LDLRAD4: variants seen among roughly 807,000 people sequenced by gnomAD.
LDLRAD4 encodes the protein low-density lipoprotein receptor class A domain-containing protein 4.
LDLRAD4 carries 5 observed loss-of-function variants against 17.0 expected under a neutral mutation model. The ratio of observed to expected loss-of-function variants is 0.29; its 90% CI spans 0.15 to 0.62. LDLRAD4 has a LOEUF of 0.62. LDLRAD4 is among the 20% of genes least tolerant of loss of function. The pLI is 0.84. For missense variants in LDLRAD4, 340 were observed against 424.7 expected (o/e 0.80, Z 1.75); for synonymous variants, 168 against 171.8 (o/e 0.98, Z 0.17).
At chr18:13,465,775 C>G (rs1367203036) in intron 3 of LDLRAD4, among the ~76,000 whole-genome samples, 4 of 152,186 alleles carry the variant, frequency 2.6e-5, no homozygotes, top group Non-Finnish European at 5.9e-5. Flanking sequence ...ATTTCTTCCT[C>G]TTTACTAATA....
At chr18:13,411,462 T>C (rs918675468) in intron 2 of LDLRAD4, among the ~76,000 whole-genome samples, 4 of 152,232 alleles carry the variant, frequency 2.6e-5, no homozygotes, top group African/African-American at 9.6e-5. Flanking sequence ...AAATCTCATC[T>C]TGAATTGTAG....
intron 3 of LDLRAD4, chr18:13,526,580 A>G (rs2094035117): frequency 6.6e-6 from 1 of 152,154 alleles, no homozygotes; most frequent in African/African-American, 2.4e-5. Flanking sequence ...AGCATTAACT[A>G]CCATTTCTGT....
At chr18:13,292,892 T>C (rs2046044925) in intron 1 of LDLRAD4, among the ~76,000 whole-genome samples, 1 of 152,178 alleles carries the variant, frequency 6.6e-6, no homozygotes, top group Non-Finnish European at 1.5e-5. Flanking sequence ...TCTAGGAGTT[T>C]TCCAACCCCG....
At chr18:13,540,283 AG>A (rs766258329) in intron 3 of LDLRAD4, among the ~76,000 whole-genome samples, 32 of 152,384 alleles carry the variant, frequency 2.1e-4, no homozygotes, top group East Asian at 1.5e-3. Flanking sequence ...TGTAAGGCAG[AG>A]TACATTTGCA....
chr18:13,450,425 G>A (rs1286432656), intron 3 of LDLRAD4, among the ~76,000 whole-genome samples: 3 of 151,828 alleles, frequency 2.0e-5, no homozygotes, highest in African/African-American at 7.3e-5. Context: ...CTGGACAGGG[G>A]GCTGGAGGGT....
intron 1 of LDLRAD4, among the ~76,000 whole-genome samples, chr18:13,353,213 A>G (rs2083145583): frequency 6.6e-6 from 1 of 152,044 alleles, no homozygotes; most frequent in Non-Finnish European, 1.5e-5. Context: ...AAAATTAGGC[A>G]TTTGAAAAAA....
chr18:13,447,702 A>G (rs2091510480), intron 3 of LDLRAD4, among the ~76,000 whole-genome samples: 2 of 152,228 alleles, frequency 1.3e-5, no homozygotes, highest in Admixed American at 1.3e-4. Context: ...TGCAACAATG[A>G]TAGTAATTTT....
intron 3 of LDLRAD4, among the ~76,000 whole-genome samples, chr18:13,572,021 A>G (rs2094699281): frequency 6.6e-6 from 1 of 152,236 alleles, no homozygotes; most frequent in Admixed American, 6.5e-5. Flanking sequence ...TTTTAACTGT[A>G]CAGTAAGTCC....
rs114547103 is a variant in LDLRAD4, at chr18:13,417,756, A to G, written c.41-20488A>G. On this transcript the variant is annotated intron_variant, in intron 2 of 5. Coordinates refer to ENST00000359446, the Ensembl canonical transcript of LDLRAD4. ...GCCAGTTTGCTGTTTTTCAAACTAC[A>G]TAATCATGCTCCCTTACAGTGGCCT... Among the ~76,000 whole-genome samples, 722 of 152,312 alleles carry G rather than the reference A, an allele frequency of 4.7e-3. 3 individuals are homozygous for G. Among genetic ancestry groups the G allele is most frequent in the African/African-American group, 0.016 (679 of 41,560 alleles).
chr18:13,410,978 C>T (rs887406078), intron 2 of LDLRAD4, among the ~76,000 whole-genome samples: 13 of 152,230 alleles, frequency 8.5e-5, no homozygotes, highest in East Asian at 5.8e-4. Context: ...GGGCCAGGTG[C>T]GGTGGCTTAC....
chr18:13,638,155 C>T (rs2042240201), intron 4 of LDLRAD4, among the ~76,000 whole-genome samples: 1 of 152,080 alleles, frequency 6.6e-6, no homozygotes, highest in Admixed American at 6.6e-5. Context: ...CCTGTAGTCC[C>T]AGCTATCCGG....
At chr18:13,580,832 CA>C (rs1283983088) in intron 3 of LDLRAD4, among the ~76,000 whole-genome samples, 2 of 152,192 alleles carry the variant, frequency 1.3e-5, no homozygotes, top group African/African-American at 4.8e-5. Flanking sequence ...AAGCCTCTGG[CA>C]AAGAGAAAAG....
At chr18:13,260,829 C>CTG (rs1292901622) in intron 1 of LDLRAD4, among the ~76,000 whole-genome samples, 1 of 152,240 alleles carries the variant, frequency 6.6e-6, no homozygotes, top group East Asian at 1.9e-4. Flanking sequence ...CTCATCTCTG[C>CTG]TGAATGCAGC....
intron 3 of LDLRAD4, chr18:13,521,688 G>A (rs1008752117): frequency 6.6e-6 from 1 of 151,974 alleles, no homozygotes; most frequent in African/African-American, 2.4e-5. Context: ...CACGTGACGA[G>A]GAGTCATCTG....
At chr18:13,410,278 C>G (rs1228380618) in intron 2 of LDLRAD4, among the ~76,000 whole-genome samples, 1 of 151,730 alleles carries the variant, frequency 6.6e-6, no homozygotes, top group Admixed American at 6.6e-5. Context: ...ACCACAGGCT[C>G]CTAGATGGGA....
intron 1 of LDLRAD4, among the ~76,000 whole-genome samples, chr18:13,302,850 TA>T (rs529886116): frequency 8.3e-4 from 126 of 152,340 alleles, no homozygotes; most frequent in African/African-American, 2.9e-3. Flanking sequence ...AGTTTTGTTA[TA>T]TGGAGTTATG....
upstream of LDLRAD4, among the ~76,000 whole-genome samples, chr18:13,274,810 A>G (rs143927004): frequency 1.2e-3 from 180 of 152,346 alleles, 2 homozygotes; most frequent in East Asian, 0.027. Flanking sequence ...TTGAATTATT[A>G]TTTTCAACAG....
rs74992975 is a variant in LDLRAD4, at chr18:13,315,280, G to A, written c.-383+37092G>A. Among the ~76,000 whole-genome samples, 396 of 152,190 alleles carry A rather than the reference G, an allele frequency of 2.6e-3. 3 individuals are homozygous for A. Among genetic ancestry groups the A allele is most frequent in the African/African-American group, 8.9e-3 (370 of 41,514 alleles). Reference sequence around the variant, plus strand: ...TCTGAAGGATGATAACATTGGCCAGGGCCTCCAGTTCTCCTGTTAGTTTGT... The same window carrying A: ...TCTGAAGGATGATAACATTGGCCAGAGCCTCCAGTTCTCCTGTTAGTTTGT... On this transcript the variant is annotated intron_variant, in intron 1 of 5. Transcript: ENST00000359446.
intron 1 of LDLRAD4, among the ~76,000 whole-genome samples, chr18:13,286,746 C>T (rs117071602): frequency 3.9e-5 from 6 of 152,150 alleles, no homozygotes; most frequent in East Asian, 3.9e-4. Flanking sequence ...GAGAAGGAGA[C>T]GGAAGCTGAG....
Sources: allele counts gnomAD v4.1 joint callset (sites outside exome capture counted in the v4.1 genomes callset), GRCh38; gene constraint gnomAD v4.1.1; transcripts MANE v1.5; gene names NCBI Gene and HGNC (gene_info 2026-07-23, HGNC 2026-07-21).